The following TOP1MT variants were observed in gnomAD, a reference collection of about 807,000 sequenced individuals.
The protein encoded by TOP1MT is DNA topoisomerase I, mitochondrial.
A neutral mutation model predicts 73.9 loss-of-function variants in TOP1MT; 80 were observed. That is an observed-to-expected ratio of 1.08 (90% CI 0.90 to 1.30). The LOEUF (loss-of-function observed/expected upper bound fraction) is 1.30, where lower values mean the gene tolerates loss of function less well. TOP1MT is among the 50% of genes most tolerant of loss of function. The pLI, the probability that TOP1MT is intolerant of heterozygous loss-of-function variation, is 0.00. For missense variants in TOP1MT, 815 were observed against 808.0 expected, an observed-to-expected ratio of 1.01 and a Z score of -0.10; for synonymous variants, 338 against 326.4, an observed-to-expected ratio of 1.04 and a Z score of -0.38.
In TOP1MT at chr8:143,331,223, C is replaced by A. The variant is rs1045999571; in HGVS notation, c.238+1G>T. 2 of 1,600,824 alleles carry A rather than the reference C, an allele frequency of 1.2e-6. No individual in the cohort carries two copies. The highest frequency in any genetic ancestry group is 4.5e-5 in the East Asian group (2 of 44,598). On this transcript the variant is annotated splice_donor_variant, in intron 2 of 13. Transcript: ENST00000329245. LOFTEE classifies it high-confidence loss of function. Reference sequence around the variant, plus strand: ...GGAGGAGCCGCTCCCTGCATCCTTACCTTCATAGAAGAAACGCACTCCGTC... The same window carrying A: ...GGAGGAGCCGCTCCCTGCATCCTTAACTTCATAGAAGAAACGCACTCCGTC...
intron 12 of TOP1MT, among the ~76,000 whole-genome samples, chr8:143,311,353 C>A (rs1816010190): frequency 6.6e-6 from 1 of 152,030 alleles, no homozygotes; most frequent in South Asian, 2.1e-4. Flanking sequence ...TCACTGAATA[C>A]CCTTTGTTCC....
chr8:143,343,580 A>T (rs1817169573), intron 1 of TOP1MT: 1 of 263,368 alleles, frequency 3.8e-6, no homozygotes, highest in Non-Finnish European at 7.6e-6. Flanking sequence ...AGGCAGTAAA[A>T]GGCAGCTCCC....
chr8:143,324,447 T>C, intron 6 of TOP1MT, 38 bp downstream of exon 6: 1 of 1,613,110 alleles, frequency 6.2e-7, no homozygotes, highest in East Asian at 2.2e-5. Context: ...CAGGGGGACC[T>C]CCTGGGGAGG....
At chr8:143,315,302 A>T (rs562906222) in intron 12 of TOP1MT, among the ~76,000 whole-genome samples, 3 of 152,062 alleles carry the variant, frequency 2.0e-5, no homozygotes, top group African/African-American at 7.2e-5. Flanking sequence ...ATAGCAGTAG[A>T]AAATTAGTGA....
At chr8:143,336,825 ATAAAATT>A (rs988862437), upstream of TOP1MT, among the ~76,000 whole-genome samples, 1 of 152,198 alleles carries the variant, frequency 6.6e-6, no homozygotes, top group African/African-American at 2.4e-5. Context: ...TCTATGGAAA[ATAAAATT>A]TAAAAAAGAA....
intron 13 of TOP1MT, chr8:143,309,815 C>T: frequency 1.0e-5 from 16 of 1,533,810 alleles, no homozygotes; most frequent in Non-Finnish European, 1.4e-5. Flanking sequence ...GGCTGAGCTC[C>T]ACAGGCCCTC....
intron 2 of TOP1MT, chr8:143,343,167 A>C: frequency 2.2e-6 from 1 of 456,284 alleles, no homozygotes; most frequent in South Asian, 1.5e-5. Context: ...GTGCCTGGGA[A>C]GTTGCTTATC....
chr8:143,335,041 G>A (rs1816959363), upstream of TOP1MT: 4 of 601,480 alleles, frequency 6.7e-6, no homozygotes, highest in African/African-American at 2.5e-5. Flanking sequence ...CTGTCCTGCC[G>A]GCCTCCCCCT....
At chr8:143,323,898 C>A in intron 7 of TOP1MT, 101 bp downstream of exon 7, 2 of 1,389,886 alleles carry the variant, frequency 1.4e-6, no homozygotes, top group East Asian at 2.3e-5. Flanking sequence ...GAGGTTCCAC[C>A]CCACACACAG....
At chr8:143,332,646 T>C (rs1325967682) in intron 1 of TOP1MT, 1 of 1,076,028 alleles carries the variant, frequency 9.3e-7, no homozygotes, top group South Asian at 1.3e-5. Flanking sequence ...GAAAGGGCCT[T>C]TCTGGCTGTT....
At chr8:143,334,933 C>G (rs1017931519), upstream of TOP1MT, 6 of 1,252,154 alleles carry the variant, frequency 4.8e-6, no homozygotes, top group Admixed American at 1.3e-4. Flanking sequence ...CCCCCAGCGG[C>G]CAGCCCCGCC....
At chr8:143,339,153 G>A (rs1207447354), upstream of TOP1MT, among the ~76,000 whole-genome samples, 1 of 152,186 alleles carries the variant, frequency 6.6e-6, no homozygotes, top group Admixed American at 6.5e-5. Flanking sequence ...ACACAGCTGC[G>A]AGCAGTGGTG....
chr8:143,350,015 T>A (rs1275715579), intron 1 of TOP1MT, among the ~76,000 whole-genome samples: 1 of 152,154 alleles, frequency 6.6e-6, no homozygotes, highest in Non-Finnish European at 1.5e-5. Flanking sequence ...ATTCAAAACT[T>A]ATCAGCTCAC....
exon 2 of TOP1MT, chr8:143,343,273 T>C: frequency 2.2e-6 from 1 of 456,324 alleles, no homozygotes; most frequent in African/African-American, 2.0e-5. Flanking sequence ...ACTGGCGTGG[T>C]GATCTGTGCA....
At chr8:143,342,518 TTA>T (rs1256926881) in intron 2 of TOP1MT, among the ~76,000 whole-genome samples, 5 of 142,688 alleles carry the variant, frequency 3.5e-5, no homozygotes, top group African/African-American at 1.3e-4. Flanking sequence ...ATTATTATTA[TTA>T]GAGACAGAGT....
At chr8:143,334,606 T>A (rs1441099470) in intron 1 of TOP1MT, 134 bp downstream of exon 1, 2 of 1,293,500 alleles carry the variant, frequency 1.5e-6, no homozygotes, top group Non-Finnish European at 2.1e-6. Flanking sequence ...GCGGCACGCA[T>A]GCTCTCCTGG....
chr8:143,323,850 C>T (rs1034677518), intron 7 of TOP1MT, 149 bp downstream of exon 7: 3 of 820,004 alleles, frequency 3.7e-6, no homozygotes, highest in Non-Finnish European at 5.8e-6. Flanking sequence ...TTCACACCCA[C>T]ACACGTGTGC....
chr8:143,338,393 C>A (rs542958110), upstream of TOP1MT, among the ~76,000 whole-genome samples: 149 of 152,108 alleles, frequency 9.8e-4, 1 homozygote, highest in African/African-American at 3.3e-3. Flanking sequence ...CATGGAGAAA[C>A]CCCGTCTCTA....
At chr8:143,351,921 T>A (rs1240515132) in intron 1 of TOP1MT, among the ~76,000 whole-genome samples, 1 of 152,068 alleles carries the variant, frequency 6.6e-6, no homozygotes, top group East Asian at 1.9e-4. Flanking sequence ...CCCTCTCTAT[T>A]AAAAATACAA....
Sources: gnomAD v4.1 joint callset for allele counts (sites outside exome capture counted in the v4.1 genomes callset) on GRCh38, gnomAD v4.1.1 for gene constraint, MANE v1.5 for transcripts, NCBI Gene and HGNC (gene_info 2026-07-23, HGNC 2026-07-21) for gene names.